The following PLXNA4 variants were observed in gnomAD, a reference collection of about 807,000 sequenced individuals.
PLXNA4 encodes plexin-A4.
In PLXNA4, 44 loss-of-function variants were observed where a neutral mutation model predicts 191.8. The observed-to-expected ratio is 0.23, with a 90% CI of 0.18 to 0.29. The LOEUF is 0.29. PLXNA4 is among the 10% of genes least tolerant of loss of function. The pLI, the probability that PLXNA4 is intolerant of heterozygous loss-of-function variation, is 1.00. For synonymous variants in PLXNA4, 1,082 were observed against 1,009.5 expected (o/e 1.07, Z -1.36); for missense variants, 1,800 against 2,488.8 (o/e 0.72, Z 5.89).
chr7:132,594,917 AG>A (rs1802669763), intron 2 of PLXNA4, among the ~76,000 whole-genome samples: 1 of 36,308 alleles, frequency 2.8e-5, no homozygotes. Context: ...ATAGGTAGAT[AG>A]ATAGATAGAT....
intron 3 of PLXNA4, among the ~76,000 whole-genome samples, chr7:132,409,556 A>C (rs1794365113): frequency 6.6e-6 from 1 of 152,114 alleles, no homozygotes; most frequent in Non-Finnish European, 1.5e-5. Context: ...AGGGGAAATG[A>C]GAATCCACAC....
At chr7:132,577,292 C>A, upstream of PLXNA4, 1 of 152,724 alleles carries the variant, frequency 6.5e-6, no homozygotes, top group South Asian at 2.0e-4. Flanking sequence ...CTGCTGCCGC[C>A]GCGGCTCGCT....
intron 2 of PLXNA4, among the ~76,000 whole-genome samples, chr7:132,618,559 T>A (rs1803198810): frequency 6.6e-6 from 1 of 152,250 alleles, no homozygotes; most frequent in Non-Finnish European, 1.5e-5. Flanking sequence ...TCCCTCCAGT[T>A]CTGCCTAACT....
chr7:132,205,969 A>G (rs931406206), intron 10 of PLXNA4, among the ~76,000 whole-genome samples: 1 of 152,216 alleles, frequency 6.6e-6, no homozygotes, highest in Non-Finnish European at 1.5e-5. Context: ...CTGTGTACTC[A>G]AACGTGTTTA....
In PLXNA4 at chr7:132,441,979, T is replaced by C. The variant is rs367798169; in HGVS notation, c.1371+47313A>G. Among the ~76,000 whole-genome samples the C allele has an allele frequency of 4.0e-4, 61 of 152,280 alleles. 1 individual carries two copies. Among genetic ancestry groups the C allele is most frequent in the Admixed American group, 3.1e-3 (47 of 15,302 alleles). On this transcript the variant is annotated intron_variant, in intron 3 of 31. Coordinates refer to ENST00000321063, the MANE Select transcript of PLXNA4 (RefSeq NM_020911.2). ...CCACCAATGCTCGGTCAAAATCACA[T>C]GCAAGAGTGACACTCCTGACCTCAA...
chr7:132,203,950 C>T (rs1339228949), intron 10 of PLXNA4, among the ~76,000 whole-genome samples: 1 of 152,068 alleles, frequency 6.6e-6, no homozygotes. Context: ...GCGGTGGTTG[C>T]AGAGACTAAG....
chr7:132,508,232 A>G lies in PLXNA4; in HGVS notation c.462T>C (p.His154=), dbSNP rs1798562884. 2.5e-6 allele frequency: 4 copies of G among 1,614,222 alleles called. No individual in the cohort carries two copies. Among genetic ancestry groups the G allele is most frequent in the Non-Finnish European group, 3.4e-6 (4 of 1,180,046 alleles). ...EDLFKLGEPY[H]KKEHYLSGVN... The stretch of plus-strand genomic sequence containing the variant: ...CACCTGACAGATAGTGCTCCTTCTT[A>G]TGATAAGGCTCCCCCAGCTTGAAGA... Residue 154 remains histidine, a synonymous_variant, in exon 2 of 32, where the codon CAT becomes CAC. Coordinates refer to ENST00000321063, the MANE Select transcript of PLXNA4 (RefSeq NM_020911.2). The surrounding 1 kb of genome is among the most constrained non-coding windows in gnomAD (Gnocchi z 4.4).
chr7:132,257,183 G>C (rs576540276), intron 4 of PLXNA4, among the ~76,000 whole-genome samples: 17 of 152,222 alleles, frequency 1.1e-4, no homozygotes, highest in Admixed American at 3.3e-4. Context: ...TCTTGCAGGG[G>C]CCAGGTGGCT....
chr7:132,261,682 C>T (rs1799650574), intron 4 of PLXNA4, among the ~76,000 whole-genome samples: 1 of 152,206 alleles, frequency 6.6e-6, no homozygotes, highest in Non-Finnish European at 1.5e-5. Context: ...CCTTCAGGAC[C>T]CGGGCAGCTG....
At chr7:132,263,021 G>A (rs1267293474) in intron 4 of PLXNA4, among the ~76,000 whole-genome samples, 1 of 152,116 alleles carries the variant, frequency 6.6e-6, no homozygotes, top group Non-Finnish European at 1.5e-5. Flanking sequence ...TATGGCATGT[G>A]ACCCCTCGTA....
intron 4 of PLXNA4, among the ~76,000 whole-genome samples, chr7:132,261,434 C>A (rs1351943026): frequency 6.6e-6 from 1 of 152,224 alleles, no homozygotes; most frequent in Non-Finnish European, 1.5e-5. Context: ...CCAGCGCAAT[C>A]CAGATGTGCC....
chr7:132,644,755 C>T (rs1383533801), intron 2 of PLXNA4, among the ~76,000 whole-genome samples: 2 of 152,054 alleles, frequency 1.3e-5, no homozygotes, highest in Non-Finnish European at 2.9e-5. Context: ...TGTGCATGCC[C>T]CGTCCAAAAT....
intron 2 of PLXNA4, among the ~76,000 whole-genome samples, chr7:132,497,257 T>C (rs1486872758): frequency 6.6e-6 from 1 of 152,188 alleles, no homozygotes; most frequent in Non-Finnish European, 1.5e-5. Context: ...TAAACTGTAA[T>C]AGCTCATGTC....
intron 5 of PLXNA4, among the ~76,000 whole-genome samples, chr7:132,236,375 C>T (rs1798701599): frequency 6.6e-6 from 1 of 152,202 alleles, no homozygotes; most frequent in South Asian, 2.1e-4. Flanking sequence ...CTCCCTCCAA[C>T]CATGGGGAAA....
At chr7:132,273,028 C>A (rs1800135066) in intron 4 of PLXNA4, among the ~76,000 whole-genome samples, 1 of 152,134 alleles carries the variant, frequency 6.6e-6, no homozygotes, top group Admixed American at 6.5e-5. Context: ...ACTCTCTTTC[C>A]TAAAGCCATA....
At chr7:132,206,603 C>T (rs988423248) in intron 10 of PLXNA4, among the ~76,000 whole-genome samples, 3 of 152,106 alleles carry the variant, frequency 2.0e-5, no homozygotes, top group Non-Finnish European at 4.4e-5. Context: ...TTAGAGAAAT[C>T]GTTAACCCCA....
chr7:132,371,202 G>T (rs1804425495), intron 3 of PLXNA4, among the ~76,000 whole-genome samples: 1 of 152,126 alleles, frequency 6.6e-6, no homozygotes, highest in Non-Finnish European at 1.5e-5. Context: ...TCATGAACCA[G>T]GTTTTAAGTC....
chr7:132,265,696 C>T (rs1799824942), intron 4 of PLXNA4, among the ~76,000 whole-genome samples: 1 of 152,178 alleles, frequency 6.6e-6, no homozygotes, highest in Non-Finnish European at 1.5e-5. Flanking sequence ...CTAGCAGATA[C>T]ACATGTGAAT....
intron 1 of PLXNA4, among the ~76,000 whole-genome samples, chr7:132,556,484 A>G (rs1585328851): frequency 6.6e-6 from 1 of 152,236 alleles, no homozygotes; most frequent in Admixed American, 6.5e-5. Flanking sequence ...GTTGTGGAGG[A>G]GAAGGCCCAT....
Sources: allele counts gnomAD v4.1 joint callset (sites outside exome capture counted in the v4.1 genomes callset), GRCh38; gene constraint gnomAD v4.1.1; non-coding constraint Gnocchi (gnomAD v3.1); transcripts MANE v1.5; gene names NCBI Gene and HGNC (gene_info 2026-07-23, HGNC 2026-07-21).